PABPC1: variants seen among roughly 807,000 people sequenced by gnomAD.
PABPC1 encodes the protein polyadenylate-binding protein 1.
Under a neutral mutation model 74.0 loss-of-function variants are expected in PABPC1, and 4 were observed. The observed-to-expected ratio is 0.05, with a 90% CI of 0.03 to 0.12. The LOEUF (loss-of-function observed/expected upper bound fraction) is 0.12, where lower values mean the gene tolerates loss of function less well. PABPC1 is among the 10% of genes least tolerant of loss of function. The pLI, the probability that PABPC1 is intolerant of heterozygous loss-of-function variation, is 1.00. For missense variants in PABPC1, 271 were observed against 821.1 expected, an observed-to-expected ratio of 0.33 and a Z score of 8.19; for synonymous variants, 227 against 264.1, an observed-to-expected ratio of 0.86 and a Z score of 1.36.
intron 1 of PABPC1, among the ~76,000 whole-genome samples, chr8:100,718,713 T>C (rs535499074): frequency 1.4e-4 from 21 of 152,364 alleles, no homozygotes; most frequent in African/African-American, 2.4e-5. Context: ...ATATTTTAAC[T>C]TCTTCCCAAC....
chr8:100,711,029 C>T (rs1371323503), intron 7 of PABPC1, among the ~76,000 whole-genome samples: 4 of 152,098 alleles, frequency 2.6e-5, no homozygotes, highest in South Asian at 2.1e-4. Flanking sequence ...CGGTGGCTCA[C>T]GCCTGTAATC....
rs983890382 is a variant in PABPC1 at position 100,721,932 on chromosome 8, A to G, written c.-349T>C. On this transcript the variant is annotated 5_prime_UTR_variant, in exon 1 of 15. Coordinates refer to ENST00000318607, the MANE Select transcript of PABPC1 (RefSeq NM_002568.4). The surrounding 1 kb of genome is among the most constrained non-coding windows in gnomAD (Gnocchi z 7.4). ...ATAAAAGAGGAAGAAAAAAAATAAA[A>G]GTCTCCGGCGGGGGAGACGCGGATT... The G allele has an allele frequency of 9.5e-5, 21 of 222,046 alleles. No homozygotes were observed. Among genetic ancestry groups the G allele is most frequent in the Non-Finnish European group, 1.2e-4 (14 of 113,952 alleles). 13.8% of individuals were successfully genotyped at this position (222,046 alleles called of 1,614,324 possible).
At chr8:100,706,163 A>G (rs1810373812) in intron 11 of PABPC1, among the ~76,000 whole-genome samples, 1 of 152,242 alleles carries the variant, frequency 6.6e-6, no homozygotes. Context: ...GCTACTTGTA[A>G]TAGTTGTTTC....
chr8:100,706,314 AC>A (rs1303624024), intron 11 of PABPC1, among the ~76,000 whole-genome samples: 1 of 152,220 alleles, frequency 6.6e-6, no homozygotes, highest in Non-Finnish European at 1.5e-5. Flanking sequence ...AGCTGTCTTC[AC>A]ATTTTTTCTT....
rs1163550639 is a variant in PABPC1, at chr8:100,703,284, T to C, written c.*77A>G. The C allele has an allele frequency of 1.2e-5, 2 of 165,206 alleles. No homozygotes were observed. The highest frequency in any genetic ancestry group is 4.8e-5 in the African/African-American group (2 of 41,494). The allele number at this position is 165,206 out of a possible 1,614,324, so 10.2% of individuals were successfully genotyped here. A position where few individuals can be genotyped will look rare whatever the true frequency, so the allele number is the denominator to read the frequency against. On this transcript the variant is annotated 3_prime_UTR_variant, in exon 15 of 15. Coordinates refer to ENST00000318607, the MANE Select transcript of PABPC1 (RefSeq NM_002568.4). ...TATATTTTGCAATGTTTTTTTTCCA[T>C]AATATTTAAGTTTTTCGATGTTTAG...
rs187164034 is a variant in PABPC1 at position 100,703,177 on chromosome 8, T to A, written c.*184A>T. On this transcript the variant is annotated 3_prime_UTR_variant, in exon 15 of 15. Transcript: ENST00000318607. ...TTTGTTTTTAAATCAATAAGTAATC[T>A]AGGACTAGCATTATGTTTGCTAGAC... 61 of 167,094 alleles carry A rather than the reference T, an allele frequency of 3.7e-4. No homozygotes were observed. The highest frequency in any genetic ancestry group is 1.4e-3 in the African/African-American group (57 of 41,606). The allele number at this position is 167,094 out of a possible 1,614,324, so 10.4% of individuals were successfully genotyped here. A position where few individuals can be genotyped will look rare whatever the true frequency, so the allele number is the denominator to read the frequency against.
At chr8:100,712,214 G>A in intron 7 of PABPC1, 148 bp downstream of exon 7, 1 of 553,462 alleles carries the variant, frequency 1.8e-6, no homozygotes, top group East Asian at 3.0e-5. Context: ...ATTAGGCTAT[G>A]ACAACCAGTT....
intron 1 of PABPC1, among the ~76,000 whole-genome samples, chr8:100,720,169 A>T (rs1222972631): frequency 6.6e-6 from 1 of 152,218 alleles, no homozygotes; most frequent in East Asian, 1.9e-4. Flanking sequence ...GGGGGGGAAA[A>T]AGGCAAAATT....
In PABPC1 at chr8:100,721,600, GC is replaced by G; in HGVS notation, c.-18del. 1 of 1,521,454 alleles carries G rather than the reference GC, an allele frequency of 6.6e-7. No homozygotes were observed. Among genetic ancestry groups the G allele is most frequent in the Non-Finnish European group, 8.9e-7 (1 of 1,124,198 alleles). 94.2% of individuals were successfully genotyped at this position (1,521,454 alleles called of 1,614,324 possible). On this transcript the variant is annotated 5_prime_UTR_variant, in exon 1 of 15. Transcript: ENST00000318607. This position sits in a 1 kb window ranked among gnomAD's most constrained non-coding sequence, Gnocchi z 7.4. ...GGGGTTCATCTCGGCACGGCTGCCC[GC>G]AGGGCCACAGGCCGCGACCTTTCCG... is the stretch of plus-strand genomic sequence containing the variant.
chr8:100,707,672 G>A (rs192509322), intron 9 of PABPC1, among the ~76,000 whole-genome samples: 52 of 152,354 alleles, frequency 3.4e-4, no homozygotes, highest in Non-Finnish European at 6.9e-4. Context: ...CAGCACCATA[G>A]GGAGACGGTT....
Position 100,721,657 on chromosome 8 carries a change from G to A in PABPC1, c.-74C>T. 1 of 1,295,128 alleles carries A rather than the reference G, an allele frequency of 7.7e-7. No individual in the cohort carries two copies. Among genetic ancestry groups the A allele is most frequent in the Non-Finnish European group, 1.0e-6 (1 of 983,152 alleles). 80.2% of individuals were successfully genotyped at this position (1,295,128 alleles called of 1,614,324 possible). On this transcript the variant is annotated 5_prime_UTR_variant, in exon 1 of 15. Transcript: ENST00000318607. This position sits in a 1 kb window ranked among gnomAD's most constrained non-coding sequence, Gnocchi z 7.4. ...GGAGGAGAGCGAGTGCCGGGGCTGG[G>A]GGCCGGAGCCGGGGGGAGGGGAGCG...
At chr8:100,710,968 AT>A (rs760563144) in intron 7 of PABPC1, among the ~76,000 whole-genome samples, 10 of 151,162 alleles carry the variant, frequency 6.6e-5, no homozygotes, top group Non-Finnish European at 1.5e-4. Flanking sequence ...TCTCAAAAAA[AT>A]AAAACAAATG....
At chr8:100,712,927 A>C in intron 5 of PABPC1, 138 bp from the exon 6 acceptor site, 1 of 1,149,560 alleles carries the variant, frequency 8.7e-7, no homozygotes, top group Non-Finnish European at 1.2e-6. Flanking sequence ...GTTTTGGGAC[A>C]ATATAGGTTA....
chr8:100,706,788 T>C lies in PABPC1; in HGVS notation c.1465A>G (p.Thr489Ala). The change falls in exon 11 of 15, where the codon ACA becomes GCA. Residue 489 changes from threonine (T) to alanine (A), a missense_variant. By Grantham distance (58) the Thr-to-Ala change is moderately conservative. Around this residue, in one of 7 missense-constraint regions of PABPC1, gnomAD observed 103 missense variants for 245.3 expected, o/e 0.42. Coordinates refer to ENST00000318607, the MANE Select transcript of PABPC1 (RefSeq NM_002568.4). Reference protein sequence around the residue: ...TQRVANTSTQTMGPRPAAAAA... With the variant: ...TQRVANTSTQAMGPRPAAAAA... ...GCAGCTGCAGGACGTGGACCCATTG[T>C]CTGTGTTGATGTGTTAGCTAAAAAA... 4.3e-6 allele frequency: 7 copies of C among 1,614,086 alleles called. No individual in the cohort carries two copies. Among genetic ancestry groups the C allele is most frequent in the Non-Finnish European group, 5.9e-6 (7 of 1,179,986 alleles).
chr8:100,708,857 C>A (rs745379098), intron 9 of PABPC1, among the ~76,000 whole-genome samples: 32 of 146,140 alleles, frequency 2.2e-4, no homozygotes, highest in Non-Finnish European at 3.8e-4. Context: ...GAGCCTGGGG[C>A]AACAGAGCGA....
intron 9 of PABPC1, 85 bp downstream of exon 9, chr8:100,709,048 C>T (rs572733295): frequency 2.9e-6 from 3 of 1,018,866 alleles, no homozygotes; most frequent in African/African-American, 3.2e-5. Flanking sequence ...AATAGTTAAC[C>T]TAACATTGAC....
At chr8:100,707,051 A>C in intron 9 of PABPC1, 54 bp from the exon 10 acceptor site, 1 of 1,292,924 alleles carries the variant, frequency 7.7e-7, no homozygotes, top group Non-Finnish European at 1.1e-6. Context: ...CTGAGTGAAA[A>C]GTGTTTATGC....
In PABPC1 at chr8:100,709,745, G is replaced by C. The variant is rs768142654; in HGVS notation, c.973-14C>G. The C allele has an allele frequency of 1.4e-6, 2 of 1,479,432 alleles. No homozygotes were observed. The highest frequency in any genetic ancestry group is 1.5e-5 in the African/African-American group (1 of 68,448). 91.6% of individuals were successfully genotyped at this position (1,479,432 alleles called of 1,614,324 possible). ...CTCCATCATAACCTATTAAAAAAAAGAAAAAAAAAGTTAACGTAATGGTAG... is the reference window on the plus strand; with the variant it reads ...CTCCATCATAACCTATTAAAAAAAACAAAAAAAAAGTTAACGTAATGGTAG... On this transcript the variant is annotated splice_polypyrimidine_tract_variant and intron_variant, in intron 7 of 14. Transcript: ENST00000318607.
intron 9 of PABPC1, among the ~76,000 whole-genome samples, chr8:100,708,908 A>AAATAAATAAATAAAT (rs1563610918): frequency 0.027 from 3,602 of 132,668 alleles, 142 homozygotes; most frequent in African/African-American, 0.093. Context: ...AATAAATAAA[A>AAATAAATAAATAAAT]AATGAAGAGC....
Sources: gnomAD v4.1 joint callset for allele counts (sites outside exome capture counted in the v4.1 genomes callset) on GRCh38, gnomAD v4.1.1 for gene constraint, gnomAD v4.1.1 regional missense constraint, Gnocchi (gnomAD v3.1) non-coding constraint, MANE v1.5 for transcripts, NCBI Gene and HGNC (gene_info 2026-07-23, HGNC 2026-07-21) for gene names.